RNF220: variants seen among roughly 807,000 people sequenced by gnomAD.
The protein encoded by RNF220 is ring finger protein 220.
RNF220 carries 7 observed loss-of-function variants against 67.1 expected under a neutral mutation model. That is an observed-to-expected ratio of 0.10 (90% CI 0.06 to 0.20). RNF220 has a LOEUF of 0.20. RNF220 is among the 10% of genes least tolerant of loss of function. The pLI is 1.00. For missense variants in RNF220, 565 were observed against 740.3 expected (o/e 0.76, Z 2.75); for synonymous variants, 270 against 283.2 (o/e 0.95, Z 0.47).
intron 2 of RNF220, among the ~76,000 whole-genome samples, chr1:44,544,493 T>C (rs936233171): frequency 6.6e-6 from 1 of 152,226 alleles, no homozygotes; most frequent in Admixed American, 6.5e-5. Flanking sequence ...GTGCAGAGTC[T>C]GGCACACGAT....
rs116622454 is a variant in RNF220 at position 44,609,042 on chromosome 1, G to A, written c.626-5123G>A. On this transcript the variant is annotated intron_variant, in intron 2 of 14. Coordinates refer to ENST00000361799, the MANE Select transcript of RNF220 (RefSeq NM_018150.4). ...ACAAGGAGAAATGAAGCTCAATAAC[G>A]TTAAGTGATTTGCCCAAGGTCACAC... 4.1e-3 allele frequency among the ~76,000 whole-genome samples: 619 copies of A among 152,276 alleles called. 5 individuals carry two copies. Among genetic ancestry groups the A allele is most frequent in the African/African-American group, 0.014 (594 of 41,540 alleles).
At chr1:44,436,979 T>C (rs184646699) in intron 2 of RNF220, among the ~76,000 whole-genome samples, 3 of 152,314 alleles carry the variant, frequency 2.0e-5, no homozygotes, top group East Asian at 1.9e-4. Flanking sequence ...GCAACACTTA[T>C]GTCCCCCAGT....
chr1:44,559,945 T>G (rs1434143169), intron 2 of RNF220, among the ~76,000 whole-genome samples: 1 of 152,132 alleles, frequency 6.6e-6, no homozygotes, highest in Admixed American at 6.5e-5. Flanking sequence ...TTTCCTGGGG[T>G]GGGAGCTGAG....
At chr1:44,567,360 A>T (rs918657737) in intron 2 of RNF220, among the ~76,000 whole-genome samples, 2 of 152,132 alleles carry the variant, frequency 1.3e-5, no homozygotes, top group Non-Finnish European at 1.5e-5. Flanking sequence ...CCAGCTGTGT[A>T]TGATCCTGGG....
chr1:44,408,413 T>C (rs1366281196), intron 1 of RNF220, among the ~76,000 whole-genome samples: 1 of 152,168 alleles, frequency 6.6e-6, no homozygotes, highest in Non-Finnish European at 1.5e-5. Context: ...AGCTCTCGCA[T>C]ATGGTGGTAA....
intron 2 of RNF220, among the ~76,000 whole-genome samples, chr1:44,448,377 G>A (rs1282461061): frequency 6.6e-6 from 1 of 152,144 alleles, no homozygotes; most frequent in Non-Finnish European, 1.5e-5. Flanking sequence ...TGGGTTCTCT[G>A]GACTCTGACA....
Position 44,622,889 on chromosome 1 carries a change from A to G in RNF220, c.804+102A>G. On this transcript the variant is annotated intron_variant, in intron 4 of 14. Coordinates refer to ENST00000361799, the MANE Select transcript of RNF220 (RefSeq NM_018150.4). The surrounding 1 kb of genome is among the most constrained non-coding windows in gnomAD (Gnocchi z 4.3). ...AGGAGCTTTTCTAGTATCCTCAACT[A>G]TCTCCAGCTTTTCTAATATCCTCAA... The G allele has an allele frequency of 2.1e-6, 2 of 946,064 alleles. No homozygotes were observed. Among genetic ancestry groups the G allele is most frequent in the South Asian group, 1.4e-5 (1 of 72,568 alleles). 58.6% of individuals were successfully genotyped at this position (946,064 alleles called of 1,614,324 possible). A position where few individuals can be genotyped will look rare whatever the true frequency, so the allele number is the denominator to read the frequency against.
rs372383138 is a variant in RNF220, at chr1:44,572,007, T to C, written c.626-42158T>C. On this transcript the variant is annotated intron_variant, in intron 2 of 14. Coordinates refer to ENST00000361799, the MANE Select transcript of RNF220 (RefSeq NM_018150.4). ...GGCTCCTAGCCTAGTCCAGGCCACATTGCCATCTCTCACCCCAGTGACTGG... is the reference window on the plus strand; with the variant it reads ...GGCTCCTAGCCTAGTCCAGGCCACACTGCCATCTCTCACCCCAGTGACTGG... Among the ~76,000 whole-genome samples, 15 of 152,356 alleles carry C rather than the reference T, an allele frequency of 9.8e-5. No homozygotes were observed. The East Asian group carries it at 2.9e-3, about 29-fold the overall frequency.
intron 2 of RNF220, among the ~76,000 whole-genome samples, chr1:44,495,475 C>G (rs149361313): frequency 1.3e-5 from 2 of 152,274 alleles, no homozygotes; most frequent in Non-Finnish European, 2.9e-5. Context: ...GGGGCTGGTA[C>G]AGATTGCTTT....
At chr1:44,448,163 G>A (rs1160526283) in intron 2 of RNF220, among the ~76,000 whole-genome samples, 2 of 152,166 alleles carry the variant, frequency 1.3e-5, no homozygotes, top group African/African-American at 2.4e-5. Flanking sequence ...GCTGGGTGTG[G>A]TGGTGTGCGC....
chr1:44,489,104 A>T (rs2148047126), intron 2 of RNF220, among the ~76,000 whole-genome samples: 1 of 152,204 alleles, frequency 6.6e-6, no homozygotes, highest in African/African-American at 2.4e-5. Flanking sequence ...AATGGATCTC[A>T]CTTTGCAAGC....
At position 44,496,779 on chromosome 1, in the gene RNF220, G is replaced by A. The variant is rs767607381; in HGVS notation, c.625+84057G>A. Among the ~76,000 whole-genome samples the A allele has an allele frequency of 1.1e-3, 163 of 152,210 alleles. 1 individual carries two copies. The highest frequency in any genetic ancestry group is 3.9e-4 in the East Asian group (2 of 5,182). Reference sequence around the variant, plus strand: ...CCCCCAGCACTGAAACAGCCTCCCCGTCCTCCTAGCAAGTTGCTAAAATTA... The same window carrying A: ...CCCCCAGCACTGAAACAGCCTCCCCATCCTCCTAGCAAGTTGCTAAAATTA... On this transcript the variant is annotated intron_variant, in intron 2 of 14. Transcript: ENST00000361799.
intron 3 of RNF220, among the ~76,000 whole-genome samples, chr1:44,620,200 C>T (rs2148444797): frequency 6.6e-6 from 1 of 152,348 alleles, no homozygotes; most frequent in Non-Finnish European, 1.5e-5. Context: ...CAACTCAAAT[C>T]CCAAACCCTC....
At chr1:44,426,369 C>T (rs984286640) in intron 2 of RNF220, among the ~76,000 whole-genome samples, 3 of 152,178 alleles carry the variant, frequency 2.0e-5, no homozygotes, top group Non-Finnish European at 4.4e-5. Context: ...GGGCCTGCCC[C>T]TTAGGCAAGA....
intron 2 of RNF220, among the ~76,000 whole-genome samples, chr1:44,524,747 G>C (rs1660229897): frequency 6.6e-6 from 1 of 152,102 alleles, no homozygotes; most frequent in Non-Finnish European, 1.5e-5. Flanking sequence ...TATTTCATTT[G>C]AGACCGCTAA....
chr1:44,463,065 A>G (rs1366282146), intron 2 of RNF220, among the ~76,000 whole-genome samples: 9 of 149,358 alleles, frequency 6.0e-5, no homozygotes, highest in Middle Eastern at 3.8e-3. Flanking sequence ...GGCCGGGCGC[A>G]GTGGCTCACG....
intron 2 of RNF220, among the ~76,000 whole-genome samples, chr1:44,534,792 G>C (rs1661077187): frequency 6.6e-6 from 1 of 152,156 alleles, no homozygotes; most frequent in Non-Finnish European, 1.5e-5. Flanking sequence ...ATACATCAAA[G>C]CACACCCATT....
intron 2 of RNF220, among the ~76,000 whole-genome samples, chr1:44,568,301 A>C (rs1029510510): frequency 2.6e-5 from 4 of 152,166 alleles, no homozygotes; most frequent in Non-Finnish European, 5.9e-5. Context: ...CTCCAGCCAC[A>C]CTGGCCGTGT....
chr1:44,600,209 A>T lies in RNF220; in HGVS notation c.626-13956A>T, dbSNP rs1219666610. ...TAGAGGAAGGTAAGTCCCATCTCAG[A>T]CATGTTGAGCTTAAAGAGCCTATGG... On this transcript the variant is annotated intron_variant, in intron 2 of 14. Transcript: ENST00000361799. This position sits in a 1 kb window ranked among gnomAD's most constrained non-coding sequence, Gnocchi z 4.0. Among the ~76,000 whole-genome samples the T allele has an allele frequency of 6.6e-6, 1 of 152,198 alleles. No homozygotes were observed. Among genetic ancestry groups the T allele is most frequent in the African/African-American group, 2.4e-5 (1 of 41,434 alleles).
Sources: allele counts gnomAD v4.1 joint callset (sites outside exome capture counted in the v4.1 genomes callset), GRCh38; gene constraint gnomAD v4.1.1; non-coding constraint Gnocchi (gnomAD v3.1); transcripts MANE v1.5; gene names NCBI Gene and HGNC (gene_info 2026-07-23, HGNC 2026-07-21).